GTF2IRD2B: variants seen among roughly 807,000 people sequenced by gnomAD.
GTF2IRD2B encodes the protein GTF2I repeat domain containing 2B, also known as general transcription factor II-I repeat domain-containing protein 2B.
A neutral mutation model predicts 55.6 loss-of-function variants in GTF2IRD2B; 10 were observed. That is an observed-to-expected ratio of 0.18 (90% CI 0.11 to 0.31). The LOEUF (loss-of-function observed/expected upper bound fraction) is 0.31. Ranked by LOEUF, GTF2IRD2B falls within the 10% of genes least tolerant of loss-of-function variation. The pLI is 1.00. For synonymous variants in GTF2IRD2B, 107 were observed against 320.5 expected (o/e 0.33, Z 7.12); for missense variants, 206 against 802.7 (o/e 0.26, Z 8.98).
At chr7:75,104,625 A>C (rs1238297231) in intron 1 of GTF2IRD2B, among the ~76,000 whole-genome samples, 16 of 152,266 alleles carry the variant, frequency 1.1e-4, no homozygotes, top group African/African-American at 2.9e-4. Context: ...ACGAATGGAA[A>C]TTCTCTGAGC....
At chr7:75,105,187 C>CAAAACAA (rs1443561443) in intron 1 of GTF2IRD2B, among the ~76,000 whole-genome samples, 2 of 151,556 alleles carry the variant, frequency 1.3e-5, no homozygotes, top group African/African-American at 4.8e-5. Flanking sequence ...GATGCTGTCT[C>CAAAACAA]AAAACAAAAA....
At chr7:75,121,766 CTT>C (rs200715781) in intron 4 of GTF2IRD2B, among the ~76,000 whole-genome samples, 3 of 133,712 alleles carry the variant, frequency 2.2e-5, no homozygotes, top group Admixed American at 1.5e-4. Flanking sequence ...GCCACCAGTT[CTT>C]TTTTTTTTTT....
In GTF2IRD2B at chr7:75,092,855, G is replaced by T. The variant is rs1223385107; in HGVS notation, c.-6+90G>T. ...AACGTCCTCCTCCTGAGGGCCTGGGGAAGGGAGGCCGCCCGGCCGCAGCGG... is the reference window on the plus strand; with the variant it reads ...AACGTCCTCCTCCTGAGGGCCTGGGTAAGGGAGGCCGCCCGGCCGCAGCGG... On this transcript the variant is annotated intron_variant, in intron 1 of 15. Coordinates refer to ENST00000472837, the MANE Select transcript of GTF2IRD2B (RefSeq NM_001003795.3). The T allele has an allele frequency of 2.6e-5, 4 of 153,002 alleles. No homozygotes were observed. In the East Asian group the frequency reaches 5.8e-4, roughly 22 times the overall value. 9.5% of individuals were successfully genotyped at this position (153,002 alleles called of 1,614,324 possible). A position where few individuals can be genotyped will look rare whatever the true frequency, so the allele number is the denominator to read the frequency against.
chr7:75,132,418 C>T (rs1343604169), intron 8 of GTF2IRD2B, among the ~76,000 whole-genome samples: 1 of 140,646 alleles, frequency 7.1e-6, no homozygotes, highest in Non-Finnish European at 1.5e-5. Context: ...AGAATCTTCA[C>T]AGCATTTCAT....
intron 3 of GTF2IRD2B, among the ~76,000 whole-genome samples, chr7:75,115,015 C>T (rs1407119026): frequency 7.3e-6 from 1 of 136,860 alleles, no homozygotes; most frequent in Non-Finnish European, 1.6e-5. Context: ...CCAGCCTGGT[C>T]TTAGACTCCT....
At position 75,092,756 on chromosome 7, in the gene GTF2IRD2B, G is replaced by A. The variant is rs1807284147; in HGVS notation, c.-15G>A. The A allele has an allele frequency of 6.5e-6, 1 of 153,202 alleles. No homozygotes were observed. The highest frequency in any genetic ancestry group is 1.5e-5 in the Non-Finnish European group (1 of 68,176). The allele number at this position is 153,202 out of a possible 1,614,324, so 9.5% of individuals were successfully genotyped here. A position where few individuals can be genotyped will look rare whatever the true frequency, so the allele number is the denominator to read the frequency against. The stretch of plus-strand genomic sequence containing the variant: ...TCCGCGGCCGGCCCGGCGCGGCCCA[G>A]CGCCCTCAGGTGCGTACCCCGCCCC... On this transcript the variant is annotated 5_prime_UTR_variant, in exon 1 of 16. Coordinates refer to ENST00000472837, the MANE Select transcript of GTF2IRD2B (RefSeq NM_001003795.3).
intron 9 of GTF2IRD2B, among the ~76,000 whole-genome samples, chr7:75,134,239 G>C (rs1327834591): frequency 4.9e-5 from 6 of 123,696 alleles, no homozygotes; most frequent in Non-Finnish European, 8.0e-5. Context: ...AATACAAAAA[G>C]TAGCCGGGCA....
chr7:75,101,292 G>A lies in GTF2IRD2B; in HGVS notation c.-5-7668G>A, dbSNP rs1278676546. On this transcript the variant is annotated intron_variant, in intron 1 of 15. Coordinates refer to ENST00000472837, the MANE Select transcript of GTF2IRD2B (RefSeq NM_001003795.3). ...CCATTTGAAGTGTACAGTTCAGGCT[G>A]TACACGGAGGCTCATGCCTGTAATC... Among the ~76,000 whole-genome samples the A allele has an allele frequency of 2.7e-5, 4 of 150,770 alleles. 1 individual carries two copies. The highest frequency in any genetic ancestry group is 4.4e-5 in the Non-Finnish European group (3 of 67,642).
chr7:75,092,829 G>C (rs1392716165), intron 1 of GTF2IRD2B, 64 bp downstream of exon 1: 12 of 153,438 alleles, frequency 7.8e-5, no homozygotes, highest in African/African-American at 2.6e-4. Context: ...TTGCCTTTCG[G>C]AACGTCCTCC....
chr7:75,115,910 TTTTCTTTC>T, intron 3 of GTF2IRD2B, among the ~76,000 whole-genome samples: 3 of 133,018 alleles, frequency 2.3e-5, no homozygotes, highest in Admixed American at 7.9e-5. Flanking sequence ...CTTTAATTTC[TTTTCTTTC>T]TTTTTTTTTT....
chr7:75,108,919 C>T, intron 1 of GTF2IRD2B, 41 bp from the exon 2 acceptor site: 1 of 514,444 alleles, frequency 1.9e-6, no homozygotes, highest in South Asian at 1.8e-5. Flanking sequence ...GGGTTTCAGA[C>T]TCTGAATTTT....
At chr7:75,103,207 A>C (rs1807638589) in intron 1 of GTF2IRD2B, among the ~76,000 whole-genome samples, 2 of 151,980 alleles carry the variant, frequency 1.3e-5, no homozygotes, top group Admixed American at 6.6e-5. Flanking sequence ...TGAACCTGGG[A>C]GGTAGAGGTT....
chr7:75,103,744 T>C (rs1807661450), intron 1 of GTF2IRD2B, among the ~76,000 whole-genome samples: 2 of 148,896 alleles, frequency 1.3e-5, no homozygotes, highest in African/African-American at 2.5e-5. Context: ...GATAAAGACA[T>C]AGGACCGGCC....
chr7:75,139,891 C>A (rs1383037357), intron 12 of GTF2IRD2B, among the ~76,000 whole-genome samples: 1 of 108,766 alleles, frequency 9.2e-6, no homozygotes. Context: ...AAAATAAAAG[C>A]AAAAAAAAAA....
intron 15 of GTF2IRD2B, among the ~76,000 whole-genome samples, chr7:75,145,722 ACT>A (rs1809125391): frequency 1.1e-5 from 1 of 94,950 alleles, no homozygotes; most frequent in Non-Finnish European, 2.1e-5. Context: ...ACAGAGCAAG[ACT>A]CTGTCTCAAA....
intron 12 of GTF2IRD2B, among the ~76,000 whole-genome samples, chr7:75,140,391 GA>G (rs375919758): frequency 2.3e-5 from 1 of 44,282 alleles, no homozygotes; most frequent in Non-Finnish European, 4.7e-5. Context: ...AAAAAGAGAG[GA>G]AAAAAAGGAA....
chr7:75,115,408 T>C (rs1422290778), intron 3 of GTF2IRD2B, among the ~76,000 whole-genome samples: 1 of 150,886 alleles, frequency 6.6e-6, no homozygotes, highest in Non-Finnish European at 1.5e-5. Context: ...TCCCTTGGTG[T>C]TCCATATGAA....
At chr7:75,107,332 T>C (rs1807839015) in intron 1 of GTF2IRD2B, among the ~76,000 whole-genome samples, 1 of 152,024 alleles carries the variant, frequency 6.6e-6, no homozygotes, top group South Asian at 2.1e-4. Flanking sequence ...TCCCAGCACT[T>C]TGGGAGGCTG....
chr7:75,103,647 G>C (rs1209233032), intron 1 of GTF2IRD2B, among the ~76,000 whole-genome samples: 3 of 151,766 alleles, frequency 2.0e-5, no homozygotes, highest in Non-Finnish European at 4.4e-5. Context: ...CATTTCCAGA[G>C]AGCAGGAAGC....
Sources: allele counts gnomAD v4.1 joint callset (sites outside exome capture counted in the v4.1 genomes callset), GRCh38; gene constraint gnomAD v4.1.1; transcripts MANE v1.5; gene names NCBI Gene and HGNC (gene_info 2026-07-23, HGNC 2026-07-21).